MYBPC2: variants seen among roughly 807,000 people sequenced by gnomAD.
MYBPC2 encodes the protein myosin binding protein C2.
In MYBPC2, 122 loss-of-function variants were observed where a neutral mutation model predicts 137.0. The ratio of observed to expected loss-of-function variants is 0.89; its 90% CI spans 0.77 to 1.03. MYBPC2 has a LOEUF of 1.03. Ranked by LOEUF, MYBPC2 falls within the 50% of genes least tolerant of loss-of-function variation. MYBPC2 has a pLI of 0.00. For synonymous variants in MYBPC2, 626 were observed against 612.3 expected (o/e 1.02, Z -0.33); for missense variants, 1,500 against 1,534.4 (o/e 0.98, Z 0.37).
At chr19:50,444,210 C>A (rs1390441487) in intron 11 of MYBPC2, among the ~76,000 whole-genome samples, 3 of 150,596 alleles carry the variant, frequency 2.0e-5, no homozygotes, top group Admixed American at 2.0e-4. Flanking sequence ...ACTCATGCAT[C>A]CATCCATCCA....
At chr19:50,457,019 CCAGGTCTTAAAGT>C (rs2039920464) in intron 20 of MYBPC2, among the ~76,000 whole-genome samples, 1 of 152,206 alleles carries the variant, frequency 6.6e-6, no homozygotes, top group Non-Finnish European at 1.5e-5. Flanking sequence ...ACACACTATC[CCAGGTCTTAAAGT>C]CAGACAGATG....
At chr19:50,452,840 G>A (rs947196393) in intron 16 of MYBPC2, among the ~76,000 whole-genome samples, 5 of 152,110 alleles carry the variant, frequency 3.3e-5, no homozygotes, top group African/African-American at 1.2e-4. Context: ...TTATGGGCAT[G>A]AGCCAACATG....
rs867422527 is a variant in MYBPC2, at chr19:50,460,809, C to A, written c.2931+630C>A. The stretch of plus-strand genomic sequence containing the variant: ...TGCCTCTGAGCTCAGGTGATTCCCC[C>A]CCATCTCAGCCTCCCATGTAGCTGG... On this transcript the variant is annotated intron_variant, in intron 24 of 27. Coordinates refer to ENST00000357701, the MANE Select transcript of MYBPC2 (RefSeq NM_004533.4). 2.9e-4 allele frequency among the ~76,000 whole-genome samples: 44 copies of A among 151,926 alleles called. No individual in the cohort carries two copies. The Middle Eastern group carries it at 0.01, about 35-fold the overall frequency.
At chr19:50,453,120 T>G (rs929611530) in intron 16 of MYBPC2, among the ~76,000 whole-genome samples, 2 of 151,900 alleles carry the variant, frequency 1.3e-5, no homozygotes, top group Non-Finnish European at 2.9e-5. Context: ...TAAAATTTAT[T>G]TATTTATTTT....
chr19:50,460,290 C>T (rs537657040), intron 24 of MYBPC2, 111 bp downstream of exon 24: 47 of 1,410,096 alleles, frequency 3.3e-5, no homozygotes, highest in African/African-American at 2.8e-4. Flanking sequence ...GGCTAGAGGA[C>T]GGGCTGGGGC....
chr19:50,433,682 G>A (rs1275002343), intron 1 of MYBPC2, among the ~76,000 whole-genome samples: 2 of 146,124 alleles, frequency 1.4e-5, no homozygotes, highest in South Asian at 2.2e-4. Context: ...GGCATGAGCC[G>A]CCGAGCCCGG....
chr19:50,438,132 G>T (rs1458630681), intron 7 of MYBPC2, among the ~76,000 whole-genome samples: 1 of 151,976 alleles, frequency 6.6e-6, no homozygotes, highest in Non-Finnish European at 1.5e-5. Flanking sequence ...TCCAACCAGT[G>T]GCCTATTTAT....
At chr19:50,463,938 CAAAA>C (rs5828433) in intron 26 of MYBPC2, among the ~76,000 whole-genome samples, 13 of 131,132 alleles carry the variant, frequency 9.9e-5, no homozygotes, top group Non-Finnish European at 1.1e-4. Flanking sequence ...GATTCTGTCT[CAAAA>C]AAAAAAAAAA....
At chr19:50,438,748 C>T (rs1189598892) in intron 7 of MYBPC2, among the ~76,000 whole-genome samples, 1 of 151,956 alleles carries the variant, frequency 6.6e-6, no homozygotes, top group Non-Finnish European at 1.5e-5. Flanking sequence ...TGTCTGTGGT[C>T]CTAACTACTT....
In MYBPC2 at chr19:50,465,666, A is replaced by T. The variant is rs2040009150; in HGVS notation, c.3416-529A>T. Among the ~76,000 whole-genome samples, 1 of 152,124 alleles carries T rather than the reference A, an allele frequency of 6.6e-6. No individual in the cohort carries two copies. The highest frequency in any genetic ancestry group is 1.9e-4 in the East Asian group (1 of 5,182). On this transcript the variant is annotated intron_variant, in intron 27 of 27. Transcript: ENST00000357701. The surrounding 1 kb of genome is among the most constrained non-coding windows in gnomAD (Gnocchi z 4.5). The stretch of plus-strand genomic sequence containing the variant: ...AGACCAGCCTGGGCAACATGGCGAA[A>T]CCCTGTCTCTACTAAAAATACAAAA...
intron 24 of MYBPC2, 71 bp downstream of exon 24, chr19:50,460,250 C>T: frequency 1.3e-6 from 2 of 1,511,076 alleles, no homozygotes; most frequent in East Asian, 2.4e-5. Context: ...GTCCCCCGTT[C>T]ACAGCTGGAA....
chr19:50,453,952 G>A, intron 16 of MYBPC2, 68 bp from the exon 17 acceptor site: 1 of 1,498,710 alleles, frequency 6.7e-7, no homozygotes, highest in Middle Eastern at 1.8e-4. Context: ...GCAGGGGAAT[G>A]GCAGAGGCAG....
rs140344195 is a variant in MYBPC2, at chr19:50,448,286, T to C, written c.1368T>C (p.Ala456=). 4.3e-6 allele frequency: 7 copies of C among 1,613,870 alleles called. No homozygotes were observed. Among genetic ancestry groups the C allele is most frequent in the Middle Eastern group, 3.3e-4 (2 of 6,062 alleles). Residue 456 remains alanine (A), a synonymous_variant, in exon 13 of 28, where the codon GCT becomes GCC. Transcript: ENST00000357701. ...ADLTVKASEQ[A]VFKCEVSDEK... Reference sequence around the variant, plus strand: ...TGACGGTGAAGGCCTCAGAACAAGCTGTGTTCAAGTGCGAGGTGTCTGATG... The same window carrying C: ...TGACGGTGAAGGCCTCAGAACAAGCCGTGTTCAAGTGCGAGGTGTCTGATG...
At position 50,435,388 on chromosome 19, in the gene MYBPC2, T is replaced by C. The variant is rs2039693413; in HGVS notation, c.109+138T>C. The C allele has an allele frequency of 6.2e-6, 4 of 649,304 alleles. No individual in the cohort carries two copies. The South Asian group carries it at 6.7e-5, about 11-fold the overall frequency. The allele number at this position is 649,304 out of a possible 1,614,324, so 40.2% of individuals were successfully genotyped here. On this transcript the variant is annotated intron_variant, in intron 2 of 27. Transcript: ENST00000357701. The surrounding 1 kb of genome is among the most constrained non-coding windows in gnomAD (Gnocchi z 4.8). ...CCCCAGGGCTGACCCACGCCTCCCG[T>C]GCTCCCAGCCCTCCCGGGGCTCCCT...
At chr19:50,442,062 C>G in intron 8 of MYBPC2, 119 bp from the exon 9 acceptor site, 2 of 1,301,888 alleles carry the variant, frequency 1.5e-6, no homozygotes, top group East Asian at 2.5e-5. Flanking sequence ...GGCCCCCTGA[C>G]TTCCTCACTT....
chr19:50,462,268 C>A (rs551109870), intron 26 of MYBPC2, among the ~76,000 whole-genome samples: 1 of 151,826 alleles, frequency 6.6e-6, no homozygotes, highest in South Asian at 2.1e-4. Context: ...CTCACTGCAA[C>A]TTTGACCTCC....
At position 50,455,625 on chromosome 19, in the gene MYBPC2, G is replaced by A. The variant is rs759810727; in HGVS notation, c.2319G>A (p.Val773=). 6.2e-6 allele frequency: 10 copies of A among 1,613,940 alleles called. No homozygotes were observed. Among genetic ancestry groups the A allele is most frequent in the Non-Finnish European group, 8.5e-6 (10 of 1,179,872 alleles). The change falls in exon 20 of 28, where the codon GTG becomes GTA. Residue 773 remains valine (V), a synonymous_variant. Coordinates refer to ENST00000357701, the MANE Select transcript of MYBPC2 (RefSeq NM_004533.4). ...IGAGGIDGYL[V]EYCLEGSEEW... ...CAGGTGGCATCGATGGGTACCTGGT[G>A]GAGTACTGCCTGGAAGGCTGTGAGT...
intron 7 of MYBPC2, among the ~76,000 whole-genome samples, 180 bp from the exon 8 acceptor site, chr19:50,440,700 G>T (rs2039745620): frequency 1.3e-5 from 2 of 151,392 alleles, no homozygotes; most frequent in African/African-American, 2.4e-5. Flanking sequence ...TGGGGACTGT[G>T]CTGGGAAGAG....
At chr19:50,464,257 G>C in intron 26 of MYBPC2, 89 bp from the exon 27 acceptor site, 1 of 1,232,702 alleles carries the variant, frequency 8.1e-7, no homozygotes, top group South Asian at 1.5e-5. Context: ...GCAGAGCCTA[G>C]AACCCAGATC....
Sources: gnomAD v4.1 joint callset for allele counts (sites outside exome capture counted in the v4.1 genomes callset) on GRCh38, gnomAD v4.1.1 for gene constraint, Gnocchi (gnomAD v3.1) non-coding constraint, MANE v1.5 for transcripts, NCBI Gene and HGNC (gene_info 2026-07-23, HGNC 2026-07-21) for gene names.